HCN1: variants seen among roughly 807,000 people sequenced by gnomAD.
HCN1 encodes potassium/sodium hyperpolarization-activated cyclic nucleotide-gated channel 1.
HCN1 carries 13 observed loss-of-function variants against 78.9 expected under a neutral mutation model. The observed-to-expected ratio is 0.16, with a 90% CI of 0.11 to 0.26. HCN1 has a LOEUF of 0.26. HCN1 is among the 10% of genes least tolerant of loss of function. HCN1 has a pLI of 1.00. For missense variants in HCN1, 810 were observed against 1,154.3 expected (o/e 0.70, Z 4.32); for synonymous variants, 552 against 455.5 (o/e 1.21, Z -2.70).
At chr5:45,585,994 G>T (rs945273399) in intron 2 of HCN1, among the ~76,000 whole-genome samples, 1 of 152,174 alleles carries the variant, frequency 6.6e-6, no homozygotes, top group African/African-American at 2.4e-5. Context: ...GAGGAGGCAG[G>T]CTGTCTGTTC....
intron 2 of HCN1, among the ~76,000 whole-genome samples, chr5:45,594,472 T>C (rs1744443857): frequency 6.6e-6 from 1 of 152,158 alleles, no homozygotes; most frequent in East Asian, 1.9e-4. Flanking sequence ...ACCACACTTT[T>C]CTGGATCCTA....
intron 4 of HCN1, among the ~76,000 whole-genome samples, chr5:45,386,230 C>G (rs1747906802): frequency 7.0e-6 from 1 of 143,210 alleles, no homozygotes; most frequent in African/African-American, 2.6e-5. Flanking sequence ...TGCTGGAGTT[C>G]AGTGGTGTGA....
chr5:45,494,029 T>C (rs1158746731), intron 2 of HCN1, among the ~76,000 whole-genome samples: 1 of 152,164 alleles, frequency 6.6e-6, no homozygotes, highest in Non-Finnish European at 1.5e-5. Context: ...GTTCCAAGTC[T>C]TTGCTATTGT....
chr5:45,497,225 G>C (rs1742057970), intron 2 of HCN1, among the ~76,000 whole-genome samples: 1 of 152,080 alleles, frequency 6.6e-6, no homozygotes, highest in Admixed American at 6.5e-5. Context: ...GGTCCACTTG[G>C]TGCAGAGCTG....
At chr5:45,686,654 T>C (rs889669382) in intron 1 of HCN1, among the ~76,000 whole-genome samples, 5 of 152,082 alleles carry the variant, frequency 3.3e-5, no homozygotes, top group Non-Finnish European at 7.4e-5. Flanking sequence ...AGTTCTTTTG[T>C]TTATTTACTT....
At chr5:45,476,697 C>G (rs1024049235) in intron 2 of HCN1, among the ~76,000 whole-genome samples, 1 of 152,020 alleles carries the variant, frequency 6.6e-6, no homozygotes, top group Non-Finnish European at 1.5e-5. Flanking sequence ...TTTGTCTGCC[C>G]TCTTCATTAG....
At chr5:45,387,201 T>C (rs1747939718) in intron 4 of HCN1, among the ~76,000 whole-genome samples, 1 of 152,012 alleles carries the variant, frequency 6.6e-6, no homozygotes, top group Middle Eastern at 3.6e-3. Flanking sequence ...ACAGTATCAA[T>C]ATATTCTGTT....
At position 45,582,303 on chromosome 5, in the gene HCN1, A is replaced by G. The variant is rs1305318959; in HGVS notation, c.849+62882T>C. ...AGCAATTGTGAATGGGAGTTCACTC[A>G]TGATTTGGCTCTCTGTTTGTCTGTT... On this transcript the variant is annotated intron_variant, in intron 2 of 7. Transcript: ENST00000303230. Among the ~76,000 whole-genome samples, 3 of 152,144 alleles carry G rather than the reference A, an allele frequency of 2.0e-5. No homozygotes were observed. The East Asian group carries it at 5.8e-4, about 29-fold the overall frequency.
At chr5:45,617,523 A>C (rs1744978887) in intron 2 of HCN1, 1 of 152,018 alleles carries the variant, frequency 6.6e-6, no homozygotes, top group African/African-American at 2.4e-5. Context: ...AAAGCATGCT[A>C]TTTCCATTCA....
At chr5:45,670,703 C>G (rs1299685177) in intron 1 of HCN1, among the ~76,000 whole-genome samples, 2 of 151,612 alleles carry the variant, frequency 1.3e-5, no homozygotes, top group Admixed American at 6.6e-5. Flanking sequence ...TAGGATCTGT[C>G]TACTGGGAAA....
chr5:45,443,416 C>T (rs1740722335), intron 3 of HCN1, among the ~76,000 whole-genome samples: 2 of 152,120 alleles, frequency 1.3e-5, no homozygotes, highest in East Asian at 1.9e-4. Flanking sequence ...AGGTGAGTCA[C>T]AGGTGTTTGG....
intron 5 of HCN1, among the ~76,000 whole-genome samples, chr5:45,348,100 C>A (rs1394762451): frequency 1.2e-4 from 19 of 152,086 alleles, no homozygotes; most frequent in African/African-American, 4.1e-4. Context: ...AAAAAATGTT[C>A]AGGGCAGCCA....
chr5:45,375,950 A>G (rs1218989823), intron 4 of HCN1, among the ~76,000 whole-genome samples: 2 of 119,116 alleles, frequency 1.7e-5, no homozygotes, highest in East Asian at 2.4e-4. Context: ...TATCACATAT[A>G]TTATATATGA....
At position 45,282,130 on chromosome 5, in the gene HCN1, G is replaced by T. The variant is rs544573270; in HGVS notation, c.1619-14877C>A. On this transcript the variant is annotated intron_variant, in intron 6 of 7. Coordinates refer to ENST00000303230, the MANE Select transcript of HCN1 (RefSeq NM_021072.4). ...TGCAATATGTTTTCCACCATATAAT[G>T]ATATGTATATAAGTTTAATGGAAAT... Among the ~76,000 whole-genome samples, 56 of 152,160 alleles carry T rather than the reference G, an allele frequency of 3.7e-4. 1 individual carries two copies. The highest frequency in any genetic ancestry group is 7.1e-4 in the Non-Finnish European group (48 of 67,996).
rs192725740 is a variant in HCN1, at chr5:45,255,386, T to G, written c.*6535A>C. ...CCTCTAGGACTTACTAGTTCCAATT[T>G]TTTCAATATTAATACACATATGAAT... On this transcript the variant is annotated 3_prime_UTR_variant, in exon 8 of 8. Coordinates refer to ENST00000303230, the MANE Select transcript of HCN1 (RefSeq NM_021072.4). The G allele has an allele frequency of 2.5e-4, 38 of 152,316 alleles. No individual in the cohort carries two copies. Among genetic ancestry groups the G allele is most frequent in the African/African-American group, 8.9e-4 (37 of 41,576 alleles). 9.4% of individuals were successfully genotyped at this position (152,316 alleles called of 1,614,324 possible). A position where few individuals can be genotyped will look rare whatever the true frequency, so the allele number is the denominator to read the frequency against.
chr5:45,638,068 CA>C lies in HCN1; in HGVS notation c.849+7116del, dbSNP rs543623403. ...ATAAGGGGATCAAGTGAAGAAGTTA[CA>C]GGATTCCAACCACAATTGGGAAGTA... On this transcript the variant is annotated intron_variant, in intron 2 of 7. Transcript: ENST00000303230. Among the ~76,000 whole-genome samples the C allele has an allele frequency of 1.2e-3, 185 of 152,206 alleles. 1 individual carries two copies. The highest frequency in any genetic ancestry group is 4.3e-3 in the African/African-American group (180 of 41,532).
intron 1 of HCN1, among the ~76,000 whole-genome samples, chr5:45,669,569 G>A (rs1580038234): frequency 6.6e-6 from 1 of 151,778 alleles, no homozygotes; most frequent in Non-Finnish European, 1.5e-5. Flanking sequence ...GTCCTCCAAA[G>A]GGGAAACTAT....
chr5:45,276,891 C>A (rs1176858154), intron 6 of HCN1, among the ~76,000 whole-genome samples: 1 of 151,774 alleles, frequency 6.6e-6, no homozygotes, highest in Non-Finnish European at 1.5e-5. Flanking sequence ...AGAAAAGGAA[C>A]AGGAGGGGAG....
chr5:45,348,669 G>A (rs1746806110), intron 5 of HCN1, among the ~76,000 whole-genome samples: 1 of 152,070 alleles, frequency 6.6e-6, no homozygotes, highest in Non-Finnish European at 1.5e-5. Flanking sequence ...ATAAAAGGAT[G>A]GAGGAAGATC....
Sources: gnomAD v4.1 joint callset for allele counts (sites outside exome capture counted in the v4.1 genomes callset) on GRCh38, gnomAD v4.1.1 for gene constraint, MANE v1.5 for transcripts, NCBI Gene and HGNC (gene_info 2026-07-23, HGNC 2026-07-21) for gene names.